SLC4A10: variants seen among roughly 807,000 people sequenced by gnomAD.
SLC4A10 encodes sodium-driven chloride bicarbonate exchanger.
Under a neutral mutation model 137.7 loss-of-function variants are expected in SLC4A10, and 42 were observed. The ratio of observed to expected loss-of-function variants is 0.30; its 90% CI spans 0.24 to 0.39. The LOEUF (loss-of-function observed/expected upper bound fraction) is 0.39. SLC4A10 is among the 10% of genes least tolerant of loss of function. The pLI is 1.00. For synonymous variants in SLC4A10, 474 were observed against 464.1 expected, an observed-to-expected ratio of 1.02 and a Z score of -0.27; for missense variants, 925 against 1,355.0, an observed-to-expected ratio of 0.68 and a Z score of 4.98.
intron 19 of SLC4A10, 113 bp from the exon 20 acceptor site, chr2:161,956,876 G>C: frequency 2.6e-6 from 3 of 1,174,676 alleles, no homozygotes; most frequent in Non-Finnish European, 3.5e-6. Flanking sequence ...CAGGAGATCT[G>C]ATATGAAGGG....
chr2:161,969,326 CATGCAT>C (rs1295159604), intron 23 of SLC4A10, among the ~76,000 whole-genome samples: 1 of 152,132 alleles, frequency 6.6e-6, no homozygotes, highest in Non-Finnish European at 1.5e-5. Context: ...TCATGTACTT[CATGCAT>C]ATGCATATGC....
intron 1 of SLC4A10, among the ~76,000 whole-genome samples, chr2:161,671,280 A>G (rs191171870): frequency 3.5e-4 from 53 of 152,266 alleles, no homozygotes; most frequent in Non-Finnish European, 6.3e-4. Flanking sequence ...AAGGAGCCAT[A>G]TTGGAAGCAG....
At chr2:161,768,870 C>T (rs2051216052) in intron 1 of SLC4A10, among the ~76,000 whole-genome samples, 1 of 151,926 alleles carries the variant, frequency 6.6e-6, no homozygotes, top group Non-Finnish European at 1.5e-5. Flanking sequence ...GACAGCAGTT[C>T]CCTTGTAATA....
intron 11 of SLC4A10, among the ~76,000 whole-genome samples, chr2:161,895,505 T>G (rs1163413155): frequency 6.6e-6 from 1 of 152,160 alleles, no homozygotes; most frequent in Admixed American, 6.6e-5. Context: ...TCCACAAGGG[T>G]TGAACTAGTT....
intron 1 of SLC4A10, among the ~76,000 whole-genome samples, chr2:161,763,506 G>T (rs2050468478): frequency 6.6e-6 from 1 of 152,108 alleles, no homozygotes; most frequent in African/African-American, 2.4e-5. Flanking sequence ...TGAAATCTTG[G>T]AGACCTGCAA....
At chr2:161,796,868 CAT>C (rs1410150736) in intron 2 of SLC4A10, among the ~76,000 whole-genome samples, 1 of 152,050 alleles carries the variant, frequency 6.6e-6, no homozygotes, top group Admixed American at 6.6e-5. Flanking sequence ...TACATGTGCA[CAT>C]GTCTTTTAAA....
chr2:161,854,892 C>A (rs2060016931), intron 4 of SLC4A10, 78 bp from the exon 5 acceptor site: 2 of 1,358,424 alleles, frequency 1.5e-6, no homozygotes, highest in African/African-American at 1.5e-5. Flanking sequence ...TTTTCTATTT[C>A]AACCTTTTAT....
intron 2 of SLC4A10, among the ~76,000 whole-genome samples, chr2:161,794,683 C>T (rs919760773): frequency 3.9e-5 from 6 of 152,152 alleles, no homozygotes; most frequent in Non-Finnish European, 7.3e-5. Flanking sequence ...TATGTTCACA[C>T]GAGGCATGAG....
intron 1 of SLC4A10, among the ~76,000 whole-genome samples, chr2:161,673,147 C>T (rs2105799477): frequency 6.6e-6 from 1 of 152,324 alleles, no homozygotes; most frequent in East Asian, 1.9e-4. Flanking sequence ...GAATAATTAA[C>T]AACAGAATTC....
At chr2:161,788,160 C>A (rs1204183878) in intron 2 of SLC4A10, among the ~76,000 whole-genome samples, 1 of 151,348 alleles carries the variant, frequency 6.6e-6, no homozygotes, top group African/African-American at 2.4e-5. Flanking sequence ...TTTCTCGGTG[C>A]CAAGACTCTG....
At chr2:161,644,059 G>C (rs2035665389) in intron 1 of SLC4A10, among the ~76,000 whole-genome samples, 1 of 132,468 alleles carries the variant, frequency 7.5e-6, no homozygotes, top group Non-Finnish European at 1.6e-5. Context: ...TTTCCTTCTG[G>C]CTTCTAATCT....
chr2:161,945,182 GTATATATATATATATATA>G lies in SLC4A10; in HGVS notation c.2103+2321_2104-2331del, dbSNP rs56159201. ...CAAACTGGAGTACTTAAGTTTGTGT[GTATATATATATATATATA>G]TATATATATATATATATATATATAT... is the stretch of plus-strand genomic sequence containing the variant. On this transcript the variant is annotated intron_variant, in intron 16 of 26. Transcript: ENST00000446997. Among the ~76,000 whole-genome samples, 820 of 88,854 alleles carry G rather than the reference GTATATATATATATATATA, an allele frequency of 9.2e-3. 9 individuals are homozygous for G. Among genetic ancestry groups the G allele is most frequent in the African/African-American group, 0.016 (371 of 23,084 alleles). The allele number at this position is 88,854 out of a possible 152,430, so 58.3% of individuals were successfully genotyped here. A position where few individuals can be genotyped will look rare whatever the true frequency, so the allele number is the denominator to read the frequency against.
At position 161,887,009 on chromosome 2, in the gene SLC4A10, T is replaced by C. The variant is rs913079073; in HGVS notation, c.1194+4565T>C. Among the ~76,000 whole-genome samples, 3 of 152,106 alleles carry C rather than the reference T, an allele frequency of 2.0e-5. No individual in the cohort carries two copies. The East Asian group carries it at 5.8e-4, about 29-fold the overall frequency. ...TCCTGTGTCCATGTGTTCTCATTGT[T>C]CAACTCCCACTTATAAGTGAGAACA... On this transcript the variant is annotated intron_variant, in intron 10 of 26. Coordinates refer to ENST00000446997, the MANE Select transcript of SLC4A10 (RefSeq NM_001178015.2).
intron 3 of SLC4A10, among the ~76,000 whole-genome samples, chr2:161,829,127 G>A (rs1317070869): frequency 1.3e-5 from 2 of 151,840 alleles, no homozygotes; most frequent in Non-Finnish European, 2.9e-5. Context: ...CTCCTTGACC[G>A]TGTAGCCTTC....
chr2:161,696,378 A>T (rs1300953612), intron 1 of SLC4A10, among the ~76,000 whole-genome samples: 1 of 150,112 alleles, frequency 6.7e-6, no homozygotes, highest in East Asian at 2.0e-4. Flanking sequence ...ATATGTATAC[A>T]TGTGCCATGC....
intron 15 of SLC4A10, among the ~76,000 whole-genome samples, chr2:161,922,776 A>G (rs922704357): frequency 6.6e-6 from 1 of 152,184 alleles, no homozygotes; most frequent in Non-Finnish European, 1.5e-5. Context: ...ACTTTCTGAA[A>G]TAGAAAAAGA....
intron 1 of SLC4A10, among the ~76,000 whole-genome samples, chr2:161,627,202 T>C (rs2032574891): frequency 6.6e-6 from 1 of 152,064 alleles, no homozygotes; most frequent in Non-Finnish European, 1.5e-5. Flanking sequence ...CATCTCAAAG[T>C]AGATATTGAG....
At chr2:161,807,594 T>A (rs2056126221) in intron 3 of SLC4A10, among the ~76,000 whole-genome samples, 2 of 152,208 alleles carry the variant, frequency 1.3e-5, no homozygotes, top group South Asian at 4.1e-4. Flanking sequence ...TTGTTTATCC[T>A]AGTCTGATTG....
At chr2:161,886,995 T>C (rs1413346941) in intron 10 of SLC4A10, among the ~76,000 whole-genome samples, 2 of 152,006 alleles carry the variant, frequency 1.3e-5, no homozygotes, top group Non-Finnish European at 2.9e-5. Context: ...CCTGTGTCCA[T>C]GTGTTCTCAT....
Sources: gnomAD v4.1 joint callset for allele counts (sites outside exome capture counted in the v4.1 genomes callset) on GRCh38, gnomAD v4.1.1 for gene constraint, MANE v1.5 for transcripts, NCBI Gene and HGNC (gene_info 2026-07-23, HGNC 2026-07-21) for gene names.